The following OPHN1 variants were observed in gnomAD, a reference collection of about 807,000 sequenced individuals.
OPHN1 encodes the protein oligophrenin 1.
Under a neutral mutation model 60.7 loss-of-function variants are expected in OPHN1, and 11 were observed. The observed-to-expected ratio is 0.18, with a 90% CI of 0.11 to 0.30. The LOEUF is 0.30. OPHN1 is among the 10% of genes least tolerant of loss of function. The pLI is 1.00. For missense variants in OPHN1, 449 were observed against 611.0 expected, an observed-to-expected ratio of 0.73 and a Z score of 2.80; for synonymous variants, 226 against 222.6, an observed-to-expected ratio of 1.02 and a Z score of -0.14.
intron 15 of OPHN1, among the ~76,000 whole-genome samples, chrX:68,139,539 A>G (rs1199218330): frequency 8.9e-6 from 1 of 111,925 alleles, no homozygotes; most frequent in African/African-American, 3.2e-5. Flanking sequence ...TTGATTTTAC[A>G]TAATAAAAAG....
rs1429442787 is a variant in OPHN1, at chrX:68,044,074, G to C, written c.*3098C>G. ...GATCATCTTAAAAACATTACCAAATGTGCAAGCTGAATATGAAGAGAAAGC... is the reference window on the plus strand; with the variant it reads ...GATCATCTTAAAAACATTACCAAATCTGCAAGCTGAATATGAAGAGAAAGC... On this transcript the variant is annotated 3_prime_UTR_variant, in exon 25 of 25. Coordinates refer to ENST00000355520, the MANE Select transcript of OPHN1 (RefSeq NM_002547.3). The C allele has an allele frequency of 8.9e-6, 1 of 112,663 alleles. No homozygotes were observed. Among genetic ancestry groups the C allele is most frequent in the Non-Finnish European group, 1.9e-5 (1 of 53,361 alleles). 9.3% of individuals were successfully genotyped at this position (112,663 alleles called of 1,213,427 possible).
intron 6 of OPHN1, among the ~76,000 whole-genome samples, chrX:68,226,625 A>C (rs56830056): frequency 0.19 from 20,571 of 110,762 alleles, 1,634 homozygotes; most frequent in African/African-American, 0.3. Context: ...ATAACTAGCC[A>C]AACTAAGCTT....
At chrX:68,228,792 C>T (rs1005125603) in intron 6 of OPHN1, among the ~76,000 whole-genome samples, 2 of 110,914 alleles carry the variant, frequency 1.8e-5, no homozygotes, top group African/African-American at 6.6e-5. Flanking sequence ...ATGGCAAACC[C>T]ACAGCCAATA....
chrX:68,300,003 A>C (rs1340289456), intron 2 of OPHN1, among the ~76,000 whole-genome samples: 1 of 111,211 alleles, frequency 9.0e-6, no homozygotes, highest in Admixed American at 9.6e-5. Context: ...ACAAATCAGA[A>C]ATTACATTTT....
Position 68,266,046 on chromosome X carries a change from G to A in OPHN1, c.384+8692C>T, listed in dbSNP as rs768322146. ...GACTATGTGAAAAGACCAAATCTACGTCTGATTGGTGTACCTGAAAGTGAC... is the reference window on the plus strand; with the variant it reads ...GACTATGTGAAAAGACCAAATCTACATCTGATTGGTGTACCTGAAAGTGAC... On this transcript the variant is annotated intron_variant, in intron 5 of 24. Transcript: ENST00000355520. Among the ~76,000 whole-genome samples, 51 of 111,684 alleles carry A rather than the reference G, an allele frequency of 4.6e-4. 1 individual carries two copies. Among genetic ancestry groups the A allele is most frequent in the South Asian group, 4.5e-3 (12 of 2,644 alleles).
chrX:68,349,921 C>CT (rs1405105389), intron 2 of OPHN1, among the ~76,000 whole-genome samples: 1 of 107,835 alleles, frequency 9.3e-6, no homozygotes, highest in Non-Finnish European at 1.9e-5. Context: ...GGGTGGGGGG[C>CT]TAGGGGAGGG....
intron 2 of OPHN1, among the ~76,000 whole-genome samples, chrX:68,339,057 G>A (rs1192644244): frequency 9.9e-6 from 1 of 100,851 alleles, no homozygotes; most frequent in African/African-American, 3.8e-5. Context: ...TCCAGCCTGG[G>A]CAACAGTGAG....
chrX:68,330,715 C>T (rs959384626), intron 2 of OPHN1, among the ~76,000 whole-genome samples: 3 of 107,463 alleles, frequency 2.8e-5, no homozygotes, highest in South Asian at 7.8e-4. Context: ...AAGAACAATG[C>T]TAAGTGGAAA....
rs1172677332 is a variant in OPHN1, at chrX:68,043,368, T to C, written c.*3804A>G. 3 of 82,854 alleles carry C rather than the reference T, an allele frequency of 3.6e-5. No homozygotes were observed. Among genetic ancestry groups the C allele is most frequent in the Non-Finnish European group, 6.5e-5 (3 of 45,930 alleles). 6.8% of individuals were successfully genotyped at this position (82,854 alleles called of 1,213,427 possible). On this transcript the variant is annotated 3_prime_UTR_variant, in exon 25 of 25. Coordinates refer to ENST00000355520, the MANE Select transcript of OPHN1 (RefSeq NM_002547.3). ...CACATGTACCCTAAAACTTAGAGTA[T>C]AATAAAAAAAAGAAAAAAAAAAGAA...
intron 5 of OPHN1, among the ~76,000 whole-genome samples, chrX:68,268,257 T>C (rs961955954): frequency 9.0e-6 from 1 of 111,706 alleles, no homozygotes; most frequent in Non-Finnish European, 1.9e-5. Context: ...AGCATCATTC[T>C]GATACCAAAG....
chrX:68,198,202 C>T (rs750050128), intron 11 of OPHN1, among the ~76,000 whole-genome samples: 9 of 111,451 alleles, frequency 8.1e-5, no homozygotes, highest in Non-Finnish European at 1.7e-4. Context: ...GTGAGTTAGT[C>T]ATAAGGGTAG....
intron 2 of OPHN1, among the ~76,000 whole-genome samples, chrX:68,428,310 AC>A (rs1473758400): frequency 7.7e-4 from 86 of 112,058 alleles, no homozygotes; most frequent in African/African-American, 2.8e-3. Context: ...ACACATGGGA[AC>A]AGCTAAACAA....
chrX:68,106,311 A>G (rs2077081865), intron 18 of OPHN1, among the ~76,000 whole-genome samples: 1 of 109,445 alleles, frequency 9.1e-6, no homozygotes, highest in East Asian at 2.9e-4. Context: ...AATAACCCAT[A>G]CCCTTCAGAA....
At chrX:68,067,322 T>A (rs1569201633) in intron 20 of OPHN1, among the ~76,000 whole-genome samples, 1 of 110,981 alleles carries the variant, frequency 9.0e-6, no homozygotes, top group Non-Finnish European at 1.9e-5. Flanking sequence ...AATTAAAAGT[T>A]TGGTTTGGCT....
intron 4 of OPHN1, among the ~76,000 whole-genome samples, chrX:68,279,848 C>A (rs1160177363): frequency 8.9e-6 from 1 of 111,742 alleles, no homozygotes; most frequent in Non-Finnish European, 1.9e-5. Flanking sequence ...ATGAGTCAGT[C>A]ATGTGGCAAA....
At chrX:68,399,363 A>G (rs2078701327) in intron 2 of OPHN1, among the ~76,000 whole-genome samples, 1 of 111,266 alleles carries the variant, frequency 9.0e-6, no homozygotes, top group Non-Finnish European at 1.9e-5. Flanking sequence ...ATTTAAAACC[A>G]TCTGAGGGGC....
At chrX:68,068,860 C>A (rs767663678) in intron 20 of OPHN1, among the ~76,000 whole-genome samples, 98 of 111,681 alleles carry the variant, frequency 8.8e-4, no homozygotes, top group African/African-American at 3.2e-3. Context: ...AATTATATTT[C>A]TATGAAATGT....
At chrX:68,179,659 T>C (rs2077428594) in intron 15 of OPHN1, among the ~76,000 whole-genome samples, 1 of 111,971 alleles carries the variant, frequency 8.9e-6, no homozygotes, top group African/African-American at 3.2e-5. Flanking sequence ...ACTCCTGATG[T>C]TTCCTCTTAG....
At chrX:68,339,236 A>G (rs1250739185) in intron 2 of OPHN1, among the ~76,000 whole-genome samples, 2 of 109,768 alleles carry the variant, frequency 1.8e-5, no homozygotes, top group Non-Finnish European at 3.8e-5. Flanking sequence ...AAAACATTCA[A>G]CAAACTAGGA....
Sources: gnomAD v4.1 joint callset for allele counts (sites outside exome capture counted in the v4.1 genomes callset) on GRCh38, gnomAD v4.1.1 for gene constraint, MANE v1.5 for transcripts, NCBI Gene and HGNC (gene_info 2026-07-23, HGNC 2026-07-21) for gene names.